Variants in ATP8A2 observed in about 807,000 individuals in gnomAD.
The protein encoded by ATP8A2 is ATPase phospholipid transporting 8A2, also known as phospholipid-transporting ATPase IB.
Under a neutral mutation model 165.6 loss-of-function variants are expected in ATP8A2, and 100 were observed. That is an observed-to-expected ratio of 0.60 (90% CI 0.51 to 0.71). ATP8A2 has a LOEUF of 0.71. Among genes scored for constraint, ATP8A2 ranks in the 30% least tolerant of loss-of-function variants. The pLI is 0.00. For missense variants in ATP8A2, 1,227 were observed against 1,479.5 expected (o/e 0.83, Z 2.80); for synonymous variants, 543 against 548.8 (o/e 0.99, Z 0.15).
At position 25,772,585 on chromosome 13, in the gene ATP8A2, C is replaced by T. The variant is rs112735932; in HGVS notation, c.2569-2264C>T. 5.1e-3 allele frequency among the ~76,000 whole-genome samples: 774 copies of T among 152,154 alleles called. 9 individuals are homozygous for T. The highest frequency in any genetic ancestry group is 0.018 in the African/African-American group (751 of 41,496). On this transcript the variant is annotated intron_variant, in intron 26 of 36. Transcript: ENST00000381655. ...GCCTTCCCCTCACCTCCTGGAAGAA[C>T]ATGCTGAGCTGGGACTCCACCTAGG...
chr13:25,659,492 G>C (rs1370791939), intron 24 of ATP8A2, among the ~76,000 whole-genome samples: 2 of 152,124 alleles, frequency 1.3e-5, no homozygotes, highest in African/African-American at 4.8e-5. Context: ...CCAAATCCCA[G>C]GGGCTTGCCC....
At chr13:25,644,583 A>C (rs9511855) in intron 24 of ATP8A2, among the ~76,000 whole-genome samples, 149,988 of 151,616 alleles carry the variant, frequency 0.99, 74,202 homozygotes, top group East Asian at 1. Context: ...ATAAAAGGAT[A>C]CCTTCCTCTT....
intron 25 of ATP8A2, among the ~76,000 whole-genome samples, chr13:25,760,945 A>G (rs1417032113): frequency 6.6e-6 from 1 of 152,234 alleles, no homozygotes. Flanking sequence ...CAAGCTTTCC[A>G]CAATTTAATA....
intron 25 of ATP8A2, among the ~76,000 whole-genome samples, chr13:25,711,592 G>A (rs1400825185): frequency 6.6e-6 from 1 of 151,964 alleles, no homozygotes; most frequent in Non-Finnish European, 1.5e-5. Flanking sequence ...AGCCTTAGGA[G>A]AAGGCAACAC....
chr13:25,840,213 G>A (rs753400065), intron 30 of ATP8A2, among the ~76,000 whole-genome samples: 5 of 152,050 alleles, frequency 3.3e-5, no homozygotes, highest in Admixed American at 6.6e-5. Flanking sequence ...CATCCAGAAC[G>A]TGGCCTCCTA....
intron 24 of ATP8A2, among the ~76,000 whole-genome samples, chr13:25,605,912 T>G (rs572976708): frequency 8.5e-5 from 13 of 152,308 alleles, no homozygotes; most frequent in African/African-American, 3.1e-4. Context: ...ATATGCCTTC[T>G]TGAGTGGAGG....
chr13:25,996,125 G>A (rs987276416), intron 35 of ATP8A2, among the ~76,000 whole-genome samples: 1 of 152,074 alleles, frequency 6.6e-6, no homozygotes, highest in Non-Finnish European at 1.5e-5. Context: ...TTTGCATGAT[G>A]TATCTTTTCC....
intron 1 of ATP8A2, among the ~76,000 whole-genome samples, chr13:25,442,252 A>T (rs2034951172): frequency 6.6e-6 from 1 of 152,220 alleles, no homozygotes. Flanking sequence ...TTTTGGGTAC[A>T]TATATACTCA....
intron 27 of ATP8A2, among the ~76,000 whole-genome samples, chr13:25,825,751 G>A (rs1194836126): frequency 6.6e-6 from 1 of 152,108 alleles, no homozygotes; most frequent in Admixed American, 6.5e-5. Flanking sequence ...TGAAATTGTG[G>A]TTTTAGGGAT....
At chr13:25,965,705 A>G (rs1392366066) in intron 34 of ATP8A2, among the ~76,000 whole-genome samples, 1 of 152,208 alleles carries the variant, frequency 6.6e-6, no homozygotes, top group Non-Finnish European at 1.5e-5. Flanking sequence ...AAATAATACA[A>G]GCTCAAGGCC....
intron 33 of ATP8A2, among the ~76,000 whole-genome samples, chr13:25,912,633 C>T (rs770295209): frequency 7.9e-5 from 12 of 152,156 alleles, no homozygotes; most frequent in Non-Finnish European, 1.6e-4. Context: ...TGAATCATGG[C>T]ATCACTTTGC....
At chr13:25,937,362 CTT>C (rs1555293658) in intron 33 of ATP8A2, among the ~76,000 whole-genome samples, 1,608 of 38,836 alleles carry the variant, frequency 0.041, 148 homozygotes, top group African/African-American at 0.1. Flanking sequence ...TTCTTTCTTT[CTT>C]TTTTTTTTTT....
chr13:25,805,059 A>G (rs916857843), intron 27 of ATP8A2, among the ~76,000 whole-genome samples: 2 of 152,044 alleles, frequency 1.3e-5, no homozygotes, highest in Non-Finnish European at 2.9e-5. Context: ...CAGTCTATGT[A>G]TTTTCGGTGC....
intron 36 of ATP8A2, among the ~76,000 whole-genome samples, chr13:26,013,223 A>T (rs1039925438): frequency 2.6e-5 from 4 of 152,050 alleles, no homozygotes. Flanking sequence ...CACCTTCCCC[A>T]GGGCCAAGGC....
rs181607556 is a variant in ATP8A2, at chr13:25,396,132, A to G, written c.76+23844A>G. Among the ~76,000 whole-genome samples, 958 of 152,202 alleles carry G rather than the reference A, an allele frequency of 6.3e-3. 3 individuals carry two copies. The highest frequency in any genetic ancestry group is 8.9e-3 in the Non-Finnish European group (603 of 68,018). On this transcript the variant is annotated intron_variant, in intron 1 of 36. Transcript: ENST00000381655. Reference sequence around the variant, plus strand: ...GCTGAGATTACAGGTGTGAGCCACCACGCCCAGCCCTGATCCAATGTTAAT... The same window carrying G: ...GCTGAGATTACAGGTGTGAGCCACCGCGCCCAGCCCTGATCCAATGTTAAT...
At chr13:25,907,177 T>C (rs906787853) in intron 33 of ATP8A2, among the ~76,000 whole-genome samples, 2 of 151,966 alleles carry the variant, frequency 1.3e-5, no homozygotes, top group Non-Finnish European at 2.9e-5. Context: ...CTGCGGTGAG[T>C]AACCACTGTG....
At chr13:25,910,912 T>C (rs1162300234) in intron 33 of ATP8A2, among the ~76,000 whole-genome samples, 2 of 150,616 alleles carry the variant, frequency 1.3e-5, no homozygotes, top group African/African-American at 4.9e-5. Flanking sequence ...AAATGGATGA[T>C]TATCCCTCTC....
chr13:25,920,438 A>G (rs2139027915), intron 33 of ATP8A2, among the ~76,000 whole-genome samples: 1 of 152,320 alleles, frequency 6.6e-6, no homozygotes, highest in Non-Finnish European at 1.5e-5. Context: ...GGCACTTGTG[A>G]AAAAGATGTC....
At chr13:26,004,204 T>C (rs1956694749) in intron 35 of ATP8A2, among the ~76,000 whole-genome samples, 1 of 152,160 alleles carries the variant, frequency 6.6e-6, no homozygotes, top group Non-Finnish European at 1.5e-5. Flanking sequence ...CAGTGTTTTG[T>C]AGTTTTCTCT....
Sources: allele counts gnomAD v4.1 joint callset (sites outside exome capture counted in the v4.1 genomes callset), GRCh38; gene constraint gnomAD v4.1.1; transcripts MANE v1.5; gene names NCBI Gene and HGNC (gene_info 2026-07-23, HGNC 2026-07-21).